Variants in IQSEC3 observed in about 807,000 individuals in gnomAD.
IQSEC3 encodes the protein IQ motif and Sec7 domain ArfGEF 3.
A neutral mutation model predicts 105.4 loss-of-function variants in IQSEC3; 50 were observed. The observed-to-expected ratio is 0.47, with a 90% CI of 0.38 to 0.60. IQSEC3 has a LOEUF of 0.60. Ranked by LOEUF, IQSEC3 falls within the 20% of genes least tolerant of loss-of-function variation. The probability of loss-of-function intolerance (pLI) is 0.00; values close to 1 mark genes in which losing one functional copy is unlikely to be tolerated. For missense variants in IQSEC3, 1,415 were observed against 1,630.0 expected (o/e 0.87, Z 2.27); for synonymous variants, 708 against 746.0 (o/e 0.95, Z 0.83).
At chr12:102,083 TC>T (rs1864439835) in intron 2 of IQSEC3, among the ~76,000 whole-genome samples, 1 of 149,678 alleles carries the variant, frequency 6.7e-6, no homozygotes, top group African/African-American at 2.5e-5. Flanking sequence ...GCCAGGCTCC[TC>T]CCCCATCAGT....
rs78274700 is a variant in IQSEC3 at position 92,632 on chromosome 12, C to T, written c.555-6514C>T. Among the ~76,000 whole-genome samples, 643 of 152,332 alleles carry T rather than the reference C, an allele frequency of 4.2e-3. 5 individuals are homozygous for T. The highest frequency in any genetic ancestry group is 0.027 in the East Asian group (140 of 5,186). ...TGGGGAGCAGCCGAGATCCGGGTCC[C>T]GGGCCCCCTCCCTAAAGGCCCCGCA... On this transcript the variant is annotated intron_variant, in intron 1 of 13. Coordinates refer to ENST00000538872, the MANE Select transcript of IQSEC3 (RefSeq NM_001170738.2).
chr12:83,513 A>G (rs896226688), intron 1 of IQSEC3, among the ~76,000 whole-genome samples: 10 of 152,104 alleles, frequency 6.6e-5, no homozygotes, highest in African/African-American at 2.4e-4. Flanking sequence ...GAGCACGTGA[A>G]GACCTCAGGG....
At chr12:78,407 G>T (rs1863631461) in intron 1 of IQSEC3, among the ~76,000 whole-genome samples, 1 of 152,000 alleles carries the variant, frequency 6.6e-6, no homozygotes, top group Admixed American at 6.5e-5. Context: ...TGAGGCGGGG[G>T]CGGCTAGGAG....
At chr12:100,318 C>T (rs1463839808) in intron 2 of IQSEC3, among the ~76,000 whole-genome samples, 1 of 152,182 alleles carries the variant, frequency 6.6e-6, no homozygotes, top group Non-Finnish European at 1.5e-5. Flanking sequence ...GAGCAAGGAC[C>T]AGTGCAGCCA....
intron 5 of IQSEC3, among the ~76,000 whole-genome samples, chr12:145,655 G>C (rs1399762288): frequency 6.6e-6 from 1 of 152,252 alleles, no homozygotes; most frequent in Admixed American, 6.5e-5. Context: ...CAGAAGCTGA[G>C]AGTCACGCGG....
At chr12:91,115 A>G (rs1864070445) in intron 1 of IQSEC3, among the ~76,000 whole-genome samples, 1 of 152,190 alleles carries the variant, frequency 6.6e-6, no homozygotes, top group South Asian at 2.1e-4. Flanking sequence ...AGCTTGGTGA[A>G]GGGAGGGGGA....
At chr12:113,490 T>C (rs1317239273) in intron 2 of IQSEC3, among the ~76,000 whole-genome samples, 1 of 152,264 alleles carries the variant, frequency 6.6e-6, no homozygotes, top group Non-Finnish European at 1.5e-5. Context: ...TGTTTGAATG[T>C]GTCACCTTGC....
At chr12:130,439 T>G (rs781948849) in intron 3 of IQSEC3, among the ~76,000 whole-genome samples, 1 of 152,166 alleles carries the variant, frequency 6.6e-6, no homozygotes, top group South Asian at 2.1e-4. Flanking sequence ...AGCCAAGACA[T>G]GGACTCCGCA....
intron 7 of IQSEC3, among the ~76,000 whole-genome samples, 188 bp from the exon 8 acceptor site, chr12:161,738 T>G (rs1262398274): frequency 6.6e-6 from 1 of 152,150 alleles, no homozygotes; most frequent in Non-Finnish European, 1.5e-5. Context: ...TCATTAGTTT[T>G]GGTGCCTGGC....
Position 138,931 on chromosome 12 carries a change from C to T in IQSEC3, c.1568C>T (p.Ala523Val), listed in dbSNP as rs1555087848. Residue 523 changes from alanine to valine, a missense_variant, in exon 4 of 14, where the codon GCG (alanine) becomes GTG (valine). Physicochemically the swap from Ala to Val is moderately conservative, Grantham distance 64. Transcript: ENST00000538872. The surrounding 1 kb of genome is among the most constrained non-coding windows in gnomAD (Gnocchi z 7.1). ...AQTVQAPAEP[A>V]AGKAEQGETS... is the part of the protein sequence containing the mutation. ...ACGGTCCAGGCCCCCGCAGAGCCCGCGGCGGGCAAGGCCGAGCAGGGCGAG... is the reference window on the plus strand; with the variant it reads ...ACGGTCCAGGCCCCCGCAGAGCCCGTGGCGGGCAAGGCCGAGCAGGGCGAG... 1.9e-6 allele frequency: 3 copies of T among 1,594,362 alleles called. No homozygotes were observed. Among genetic ancestry groups the T allele is most frequent in the Non-Finnish European group, 2.6e-6 (3 of 1,171,468 alleles).
chr12:159,228 C>T (rs1555095469), intron 7 of IQSEC3, among the ~76,000 whole-genome samples: 3 of 152,184 alleles, frequency 2.0e-5, no homozygotes, highest in African/African-American at 7.2e-5. Flanking sequence ...CACTTCCCAC[C>T]CTACGTATCA....
At chr12:98,804 C>T (rs943320380) in intron 1 of IQSEC3, among the ~76,000 whole-genome samples, 12 of 152,206 alleles carry the variant, frequency 7.9e-5, no homozygotes, top group Non-Finnish European at 1.3e-4. Context: ...GAACAAACTA[C>T]GATAACAGAG....
intron 2 of IQSEC3, among the ~76,000 whole-genome samples, chr12:100,158 G>A (rs1216016550): frequency 6.6e-6 from 1 of 152,196 alleles, no homozygotes; most frequent in Non-Finnish European, 1.5e-5. Flanking sequence ...GGATAGTGAA[G>A]GGCTTGGTCT....
At chr12:154,676 A>G (rs1477345033) in intron 5 of IQSEC3, among the ~76,000 whole-genome samples, 1 of 152,000 alleles carries the variant, frequency 6.6e-6, no homozygotes, top group Non-Finnish European at 1.5e-5. Context: ...TCCGCGGTGC[A>G]CTTCACATCT....
At position 162,019 on chromosome 12, in the gene IQSEC3, T is replaced by C; in HGVS notation, c.2537T>C (p.Val846Ala). ...QKELKSNEDH[V>A]TYVTKVEKSI... is the part of the protein sequence containing the mutation. ...GAGCTCAAGTCCAATGAGGACCACG[T>C]CACGTACGTCACCAAGGTGGAGAAG... The change falls in exon 8 of 14, where the codon GTC (valine) becomes GCC (alanine). Residue 846 changes from valine to alanine, a missense_variant. Val to Ala is a moderately conservative substitution (Grantham distance 64). This residue lies in a region of IQSEC3 where 213 missense variants were observed against 306.2 expected (regional missense o/e 0.70). Coordinates refer to ENST00000538872, the MANE Select transcript of IQSEC3 (RefSeq NM_001170738.2). 1.2e-6 allele frequency: 2 copies of C among 1,613,816 alleles called. No homozygotes were observed. The highest frequency in any genetic ancestry group is 1.7e-6 in the Non-Finnish European group (2 of 1,179,986).
chr12:81,775 A>G (rs1354265581), intron 1 of IQSEC3, among the ~76,000 whole-genome samples: 1 of 152,188 alleles, frequency 6.6e-6, no homozygotes, highest in Admixed American at 6.5e-5. Context: ...ACAGAAGATG[A>G]AAGAGGCCTA....
Position 174,657 on chromosome 12 carries a change from G to A in IQSEC3, c.3173G>A (p.Arg1058Lys), listed in dbSNP as rs767354958. ...CACAACTCCGGGCTGGGGGCCGAGA[G>A]GGGAGCGCCGGTGCCGCCGCCAGAC... The part of the protein sequence containing the change: ...SQHNSGLGAE[R>K]GAPVPPPDLQ... The change falls in exon 14 of 14, where the codon AGG becomes AAG. Residue 1058 changes from arginine (R) to lysine (K), a missense_variant. Transcript: ENST00000538872. 2.5e-6 allele frequency: 4 copies of A among 1,588,160 alleles called. No individual in the cohort carries two copies. Among genetic ancestry groups the A allele is most frequent in the Non-Finnish European group, 3.4e-6 (4 of 1,174,336 alleles).
chr12:161,309 T>C (rs1866880904), intron 7 of IQSEC3, among the ~76,000 whole-genome samples: 1 of 152,252 alleles, frequency 6.6e-6, no homozygotes, highest in Admixed American at 6.5e-5. Context: ...GCATATTTCC[T>C]GCCAGTGTTT....
intron 1 of IQSEC3, among the ~76,000 whole-genome samples, chr12:79,691 A>G (rs542500399): frequency 6.6e-6 from 1 of 152,268 alleles, no homozygotes; most frequent in East Asian, 1.9e-4. Flanking sequence ...TTCAGCCTCC[A>G]GAGTAGCTTG....
Sources: allele counts gnomAD v4.1 joint callset (sites outside exome capture counted in the v4.1 genomes callset), GRCh38; gene constraint gnomAD v4.1.1; regional missense constraint gnomAD v4.1.1; non-coding constraint Gnocchi (gnomAD v3.1); transcripts MANE v1.5; gene names NCBI Gene and HGNC (gene_info 2026-07-23, HGNC 2026-07-21).